Variants in LRRC8B observed in about 807,000 individuals in gnomAD.
LRRC8B encodes the protein volume-regulated anion channel subunit LRRC8B.
LRRC8B carries 23 observed loss-of-function variants against 58.8 expected under a neutral mutation model. The ratio of observed to expected loss-of-function variants is 0.39; its 90% CI spans 0.28 to 0.55. The LOEUF (loss-of-function observed/expected upper bound fraction) is 0.55. LRRC8B is among the 20% of genes least tolerant of loss of function. LRRC8B has a pLI of 0.62. For synonymous variants in LRRC8B, 359 were observed against 374.1 expected (o/e 0.96, Z 0.47); for missense variants, 694 against 936.0 (o/e 0.74, Z 3.37).
intron 1 of LRRC8B, among the ~76,000 whole-genome samples, chr1:89,531,353 A>G (rs1650118327): frequency 6.6e-6 from 1 of 152,268 alleles, no homozygotes; most frequent in African/African-American, 2.4e-5. Context: ...CAGGAGTCAT[A>G]TAAAATATTT....
At chr1:89,541,507 C>T (rs1394764348) in intron 1 of LRRC8B, among the ~76,000 whole-genome samples, 1 of 150,832 alleles carries the variant, frequency 6.6e-6, no homozygotes, top group Non-Finnish European at 1.5e-5. Context: ...GTCAGGAGAT[C>T]GAGACCATCC....
chr1:89,540,215 TA>T (rs1366616045), intron 1 of LRRC8B, among the ~76,000 whole-genome samples: 2 of 152,194 alleles, frequency 1.3e-5, no homozygotes, highest in East Asian at 3.8e-4. Context: ...TGTATAGTTT[TA>T]AAATAATACT....
chr1:89,562,919 G>C (rs1297304046), intron 1 of LRRC8B, among the ~76,000 whole-genome samples: 5 of 152,074 alleles, frequency 3.3e-5, no homozygotes. Flanking sequence ...TAAGTATTTA[G>C]CAGGCAGGCA....
At chr1:89,585,722 T>C (rs1438806798) in intron 5 of LRRC8B, among the ~76,000 whole-genome samples, 2 of 151,874 alleles carry the variant, frequency 1.3e-5, no homozygotes, top group East Asian at 3.9e-4. Context: ...GGCAGGAGAA[T>C]CGCTTGAACC....
chr1:89,554,979 T>A (rs1652073375), intron 1 of LRRC8B, among the ~76,000 whole-genome samples: 1 of 152,098 alleles, frequency 6.6e-6, no homozygotes, highest in Non-Finnish European at 1.5e-5. Flanking sequence ...CCACCCTGAT[T>A]TAGAAGTCAT....
intron 1 of LRRC8B, among the ~76,000 whole-genome samples, chr1:89,534,011 T>C (rs1331442634): frequency 6.6e-6 from 1 of 152,200 alleles, no homozygotes; most frequent in Non-Finnish European, 1.5e-5. Flanking sequence ...TTTAGCAACT[T>C]GTAGGGGATG....
At chr1:89,537,240 G>A (rs1650601735) in intron 1 of LRRC8B, among the ~76,000 whole-genome samples, 1 of 152,152 alleles carries the variant, frequency 6.6e-6, no homozygotes, top group South Asian at 2.1e-4. Flanking sequence ...TTTCAGCCTG[G>A]GCAACATAGC....
At chr1:89,582,492 C>T in intron 4 of LRRC8B, 133 bp from the exon 5 acceptor site, 1 of 612,016 alleles carries the variant, frequency 1.6e-6, no homozygotes. Context: ...GCCCCTTAAT[C>T]AGCTCTTCCT....
chr1:89,582,421 AAG>A (rs1654299191), intron 4 of LRRC8B, among the ~76,000 whole-genome samples: 3 of 152,176 alleles, frequency 2.0e-5, no homozygotes, highest in African/African-American at 7.2e-5. Context: ...TCCCCCATCT[AAG>A]AGACTATGGT....
chr1:89,532,152 T>C (rs1396731684), intron 1 of LRRC8B, among the ~76,000 whole-genome samples: 1 of 152,166 alleles, frequency 6.6e-6, no homozygotes, highest in Non-Finnish European at 1.5e-5. Flanking sequence ...AGAAATACGT[T>C]CCCTGGCCAC....
At chr1:89,530,374 AAATAAAT>A (rs985133127) in intron 1 of LRRC8B, among the ~76,000 whole-genome samples, 8 of 128,186 alleles carry the variant, frequency 6.2e-5, no homozygotes, top group African/African-American at 1.1e-4. Context: ...ATAAATAAAT[AAATAAAT>A]AATAAATAAA....
At chr1:89,592,011 A>G (rs776666445) in intron 5 of LRRC8B, among the ~76,000 whole-genome samples, 1 of 152,106 alleles carries the variant, frequency 6.6e-6, no homozygotes, top group Non-Finnish European at 1.5e-5. Context: ...TTCCTCAATA[A>G]ACCCTATTTC....
chr1:89,583,635 A>C lies in LRRC8B; in HGVS notation c.985A>C (p.Thr329Pro). Residue 329 changes from threonine to proline, a missense_variant, in exon 5 of 6, where the codon ACC becomes CCC. This residue lies in a region of LRRC8B where 316 missense variants were observed against 403.8 expected (regional missense o/e 0.78). Transcript: ENST00000330947. This position sits in a 1 kb window ranked among gnomAD's most constrained non-coding sequence, Gnocchi z 5.2. The stretch of plus-strand genomic sequence containing the variant: ...CATTTTGGTTATACTTTATGGTCTG[A>C]CCTCTTCCTACAGCCTGTGGTGGAT... ...YVILVILYGL[T>P]SSYSLWWMLR... 1 of 1,613,048 alleles carries C rather than the reference A, an allele frequency of 6.2e-7. No homozygotes were observed. The highest frequency in any genetic ancestry group is 8.5e-7 in the Non-Finnish European group (1 of 1,179,996).
chr1:89,548,055 T>C (rs1331722888), intron 1 of LRRC8B, among the ~76,000 whole-genome samples: 1 of 152,222 alleles, frequency 6.6e-6, no homozygotes, highest in Non-Finnish European at 1.5e-5. Context: ...GCCTGGCTGA[T>C]ATAAGTGATT....
intron 1 of LRRC8B, among the ~76,000 whole-genome samples, chr1:89,557,610 C>T (rs1652285203): frequency 6.6e-6 from 1 of 152,180 alleles, no homozygotes; most frequent in Non-Finnish European, 1.5e-5. Context: ...GCCTGGGACT[C>T]AGTCCAGTGT....
At position 89,587,317 on chromosome 1, in the gene LRRC8B, C is replaced by T. The variant is rs539613022; in HGVS notation, c.2139+2528C>T. Among the ~76,000 whole-genome samples the T allele has an allele frequency of 9.1e-4, 139 of 152,184 alleles. 3 individuals carry two copies. The South Asian group carries it at 0.018, about 20-fold the overall frequency. ...TGAGTTAGATCAAAATATTGAATCACGAAGTCAGGAGTTTGAGACCAGCCT... is the reference window on the plus strand; with the variant it reads ...TGAGTTAGATCAAAATATTGAATCATGAAGTCAGGAGTTTGAGACCAGCCT... On this transcript the variant is annotated intron_variant, in intron 5 of 5. Coordinates refer to ENST00000330947, the MANE Select transcript of LRRC8B (RefSeq NM_001369817.2).
At chr1:89,539,914 A>G (rs1184426771) in intron 1 of LRRC8B, among the ~76,000 whole-genome samples, 1 of 152,246 alleles carries the variant, frequency 6.6e-6, no homozygotes, top group Non-Finnish European at 1.5e-5. Flanking sequence ...CAGCTAATGC[A>G]TGCTTATTTT....
At chr1:89,525,292 G>A (rs1227320345) in intron 1 of LRRC8B, among the ~76,000 whole-genome samples, 1 of 152,186 alleles carries the variant, frequency 6.6e-6, no homozygotes, top group African/African-American at 2.4e-5. Flanking sequence ...TGGAGCAAGA[G>A]GTGTGGGCGG....
intron 1 of LRRC8B, among the ~76,000 whole-genome samples, chr1:89,564,992 CG>C (rs1428720516): frequency 6.6e-6 from 1 of 152,166 alleles, no homozygotes; most frequent in African/African-American, 2.4e-5. Context: ...GCATTATTTA[CG>C]GTGATCATTA....
Sources: gnomAD v4.1 joint callset for allele counts (sites outside exome capture counted in the v4.1 genomes callset) on GRCh38, gnomAD v4.1.1 for gene constraint, gnomAD v4.1.1 regional missense constraint, Gnocchi (gnomAD v3.1) non-coding constraint, MANE v1.5 for transcripts, NCBI Gene and HGNC (gene_info 2026-07-23, HGNC 2026-07-21) for gene names.